Variants in YTHDF3 observed in about 807,000 individuals in gnomAD.
The protein encoded by YTHDF3 is YTH domain-containing family protein 3.
A neutral mutation model predicts 52.5 loss-of-function variants in YTHDF3; 9 were observed. The observed-to-expected ratio is 0.17, with a 90% CI of 0.10 to 0.30. The LOEUF (loss-of-function observed/expected upper bound fraction) is 0.30, where lower values mean the gene tolerates loss of function less well. Ranked by LOEUF, YTHDF3 falls within the 10% of genes least tolerant of loss-of-function variation. YTHDF3 has a pLI of 1.00. For synonymous variants in YTHDF3, 274 were observed against 243.3 expected (o/e 1.13, Z -1.18); for missense variants, 534 against 715.0 (o/e 0.75, Z 2.89).
chr8:63,179,380 T>A (rs1807920785), intron 3 of YTHDF3, among the ~76,000 whole-genome samples: 1 of 152,188 alleles, frequency 6.6e-6, no homozygotes, highest in African/African-American at 2.4e-5. Flanking sequence ...CCGCAGTGTT[T>A]GTGTCCCTGG....
chr8:63,192,479 C>T (rs1808975776), intron 4 of YTHDF3, among the ~76,000 whole-genome samples: 1 of 152,150 alleles, frequency 6.6e-6, no homozygotes, highest in South Asian at 2.1e-4. Flanking sequence ...ATGGGTTGTG[C>T]TAGGTATTTG....
chr8:63,206,393 T>C (rs556156068), intron 4 of YTHDF3, among the ~76,000 whole-genome samples: 8 of 152,098 alleles, frequency 5.3e-5, no homozygotes, highest in Non-Finnish European at 1.2e-4. Flanking sequence ...TGCTCCAAAC[T>C]TCATTCATCT....
intron 4 of YTHDF3, 23 bp from the exon 5 acceptor site, chr8:63,209,660 T>G (rs771329340): frequency 1.9e-6 from 3 of 1,557,858 alleles, no homozygotes; most frequent in African/African-American, 2.7e-5. Context: ...TCTTTTTGTG[T>G]GTGTGTGTTT....
chr8:63,172,958 C>T (rs1563391444), intron 2 of YTHDF3, among the ~76,000 whole-genome samples: 1 of 151,910 alleles, frequency 6.6e-6, no homozygotes, highest in East Asian at 1.9e-4. Flanking sequence ...CTTTAAGATA[C>T]ACTTCCAAAA....
chr8:63,199,337 A>G (rs1267122939), intron 4 of YTHDF3, among the ~76,000 whole-genome samples: 2 of 152,080 alleles, frequency 1.3e-5, no homozygotes, highest in Non-Finnish European at 2.9e-5. Flanking sequence ...ATCTGCACAT[A>G]CTCAAGTTCT....
At position 63,168,647 on chromosome 8, in the gene YTHDF3, T is replaced by G; in HGVS notation, c.-231T>G. On this transcript the variant is annotated 5_prime_UTR_variant, in exon 1 of 5. Transcript: ENST00000539294. ...AGACTAGGGAGTCTGTCCGCCATTG[T>G]GGACCCGAGAAGCAGAGAGCGAGAG... 1.4e-6 allele frequency: 1 copy of G among 738,782 alleles called. No individual in the cohort carries two copies. The highest frequency in any genetic ancestry group is 2.2e-6 in the Non-Finnish European group (1 of 456,964). 45.8% of individuals were successfully genotyped at this position (738,782 alleles called of 1,614,324 possible). A position where few individuals can be genotyped will look rare whatever the true frequency, so the allele number is the denominator to read the frequency against.
At chr8:63,209,659 G>T in intron 4 of YTHDF3, 24 bp from the exon 5 acceptor site, 2 of 1,546,258 alleles carry the variant, frequency 1.3e-6, no homozygotes, top group Non-Finnish European at 1.7e-6. Context: ...TTCTTTTTGT[G>T]TGTGTGTGTT....
intron 4 of YTHDF3, among the ~76,000 whole-genome samples, chr8:63,199,763 A>G (rs1425080043): frequency 1.3e-5 from 2 of 151,986 alleles, no homozygotes; most frequent in South Asian, 2.1e-4. Context: ...GTTTCTTGGA[A>G]TGGCTTAAAC....
intron 4 of YTHDF3, among the ~76,000 whole-genome samples, chr8:63,203,191 C>T (rs1163990552): frequency 2.7e-5 from 4 of 150,328 alleles, no homozygotes; most frequent in South Asian, 2.1e-4. Context: ...TGCAGTGAGC[C>T]GAGATTGTGC....
In YTHDF3 at chr8:63,175,582, G is replaced by A. The variant is rs186844473; in HGVS notation, c.135+166G>A. 86 of 529,096 alleles carry A rather than the reference G, an allele frequency of 1.6e-4. No individual in the cohort carries two copies. In the East Asian group the frequency reaches 1.9e-3, roughly 12 times the overall value. 32.8% of individuals were successfully genotyped at this position (529,096 alleles called of 1,614,324 possible). ...GTAGCAGTTGCAGATTTATGGCACA[G>A]GAGAGTTCTTCTTCAGAAAGTATAG... On this transcript the variant is annotated intron_variant, in intron 3 of 4. Transcript: ENST00000539294.
intron 3 of YTHDF3, among the ~76,000 whole-genome samples, 195 bp from the exon 4 acceptor site, chr8:63,185,952 T>C (rs988973478): frequency 2.6e-5 from 4 of 152,252 alleles, no homozygotes; most frequent in Non-Finnish European, 1.5e-5. Flanking sequence ...GTAAGAAATA[T>C]TTTAAGATGT....
intron 2 of YTHDF3, among the ~76,000 whole-genome samples, chr8:63,170,875 AAGTC>A (rs1438961544): frequency 1.3e-5 from 2 of 152,176 alleles, no homozygotes; most frequent in African/African-American, 4.8e-5. Context: ...ACAGCACTGT[AAGTC>A]AGTAAAATAA....
intron 4 of YTHDF3, among the ~76,000 whole-genome samples, chr8:63,200,154 A>G (rs866458113): frequency 2.6e-5 from 4 of 152,244 alleles, no homozygotes; most frequent in Middle Eastern, 3.4e-3. Flanking sequence ...GGCAGAATTC[A>G]GTTTCTCAAG....
intron 4 of YTHDF3, among the ~76,000 whole-genome samples, chr8:63,203,852 T>TG (rs1262604682): frequency 5.9e-5 from 9 of 152,346 alleles, no homozygotes; most frequent in East Asian, 5.8e-4. Flanking sequence ...ATGATTAGAC[T>TG]GGGGGTTATG....
intron 4 of YTHDF3, chr8:63,188,700 TA>T (rs199992573): frequency 0.2 from 11,543 of 57,826 alleles, 1,014 homozygotes; most frequent in Non-Finnish European, 0.27. Flanking sequence ...TATATATATA[TA>T]TTTTTTTTTT....
chr8:63,196,937 A>C (rs941461665), intron 4 of YTHDF3, among the ~76,000 whole-genome samples: 9 of 152,168 alleles, frequency 5.9e-5, no homozygotes, highest in Admixed American at 5.2e-4. Context: ...TAGAACAAAT[A>C]TCTCTCAGCA....
chr8:63,179,701 G>A (rs905731675), intron 3 of YTHDF3, among the ~76,000 whole-genome samples: 41 of 151,622 alleles, frequency 2.7e-4, no homozygotes, highest in Admixed American at 2.4e-3. Flanking sequence ...AACCGCCATC[G>A]CCATCATGGC....
At chr8:63,195,276 C>T (rs1350051274) in intron 4 of YTHDF3, among the ~76,000 whole-genome samples, 2 of 152,092 alleles carry the variant, frequency 1.3e-5, no homozygotes, top group Non-Finnish European at 1.5e-5. Context: ...ACCAATACCC[C>T]ATTAAAAGAA....
At chr8:63,177,153 G>A (rs921742888) in intron 3 of YTHDF3, among the ~76,000 whole-genome samples, 1 of 152,122 alleles carries the variant, frequency 6.6e-6, no homozygotes, top group Non-Finnish European at 1.5e-5. Context: ...AAAGAACAAG[G>A]AACCAAATCT....
Sources: allele counts gnomAD v4.1 joint callset (sites outside exome capture counted in the v4.1 genomes callset), GRCh38; gene constraint gnomAD v4.1.1; transcripts MANE v1.5; gene names NCBI Gene and HGNC (gene_info 2026-07-23, HGNC 2026-07-21).